KSR2: variants seen among roughly 807,000 people sequenced by gnomAD.
KSR2 encodes kinase suppressor of ras 2.
In KSR2, 25 loss-of-function variants were observed where a neutral mutation model predicts 107.8. That is an observed-to-expected ratio of 0.23 (90% confidence interval 0.17 to 0.32). The LOEUF is 0.32. Among genes scored for constraint, KSR2 ranks in the 10% least tolerant of loss-of-function variants. The probability of loss-of-function intolerance (pLI) is 1.00; values close to 1 mark genes in which losing one functional copy is unlikely to be tolerated. For missense variants in KSR2, 887 were observed against 1,268.9 expected, an observed-to-expected ratio of 0.70 and a Z score of 4.57; for synonymous variants, 480 against 507.0, an observed-to-expected ratio of 0.95 and a Z score of 0.71.
chr12:117,757,278 T>C (rs1225534363), intron 4 of KSR2, among the ~76,000 whole-genome samples: 6 of 152,176 alleles, frequency 3.9e-5, no homozygotes, highest in African/African-American at 7.2e-5. Flanking sequence ...AAGTGGAGCC[T>C]GAAGATATAA....
At chr12:117,723,200 T>C (rs1203460831) in intron 4 of KSR2, among the ~76,000 whole-genome samples, 7 of 152,174 alleles carry the variant, frequency 4.6e-5, no homozygotes, top group African/African-American at 1.4e-4. Flanking sequence ...AGGGAGACCT[T>C]CTCTGCTTTA....
intron 1 of KSR2, among the ~76,000 whole-genome samples, chr12:117,881,851 A>G (rs1894037185): frequency 6.6e-6 from 1 of 152,182 alleles, no homozygotes; most frequent in African/African-American, 2.4e-5. Flanking sequence ...GACTCAATGC[A>G]TCTTTGCCCA....
At chr12:117,826,463 G>GA (rs1891756359) in intron 3 of KSR2, among the ~76,000 whole-genome samples, 1 of 146,348 alleles carries the variant, frequency 6.8e-6, no homozygotes, top group Non-Finnish European at 1.5e-5. Flanking sequence ...TGGGAAGGAG[G>GA]AAAAAAAGAT....
At chr12:117,849,665 T>C (rs1250850526) in intron 3 of KSR2, among the ~76,000 whole-genome samples, 1 of 152,112 alleles carries the variant, frequency 6.6e-6, no homozygotes, top group African/African-American at 2.4e-5. Flanking sequence ...AGCATTAACA[T>C]CTCTAAAATA....
chr12:117,636,532 C>G (rs1051811546), intron 5 of KSR2, among the ~76,000 whole-genome samples: 1 of 152,052 alleles, frequency 6.6e-6, no homozygotes, highest in Non-Finnish European at 1.5e-5. Context: ...CACACCTGAT[C>G]AATGACAGGT....
intron 4 of KSR2, among the ~76,000 whole-genome samples, chr12:117,735,964 C>A (rs531385966): frequency 5.8e-4 from 88 of 152,210 alleles, no homozygotes; most frequent in African/African-American, 2.0e-3. Flanking sequence ...GTAATTTTCC[C>A]AGAGTGTTGT....
chr12:117,630,540 CAG>C (rs1882755440), intron 5 of KSR2, among the ~76,000 whole-genome samples: 2 of 152,078 alleles, frequency 1.3e-5, no homozygotes, highest in African/African-American at 2.4e-5. Context: ...GGATTATAAA[CAG>C]GGGCTACCTG....
At chr12:117,953,425 T>TA (rs1410424914) in intron 1 of KSR2, among the ~76,000 whole-genome samples, 2 of 152,222 alleles carry the variant, frequency 1.3e-5, no homozygotes, top group Non-Finnish European at 2.9e-5. Context: ...GAATATAACC[T>TA]AAAAAATGTT....
chr12:117,855,478 C>G lies in KSR2; in HGVS notation c.422G>C (p.Cys141Ser). 1 of 1,614,030 alleles carries G rather than the reference C, an allele frequency of 6.2e-7. No homozygotes were observed. Among genetic ancestry groups the G allele is most frequent in the Non-Finnish European group, 8.5e-7 (1 of 1,179,896 alleles). ...GGAGAGGGAGGCGTTGAGGCGGGCACACTCCTCCCGGTTGGCTCCGTATTT... is the reference window on the plus strand; with the variant it reads ...GGAGAGGGAGGCGTTGAGGCGGGCAGACTCCTCCCGGTTGGCTCCGTATTT... Reference protein sequence around the residue: ...VEKYGANREECARLNASLSCL... With the variant: ...VEKYGANREESARLNASLSCL... Residue 141 changes from cysteine (C) to serine (S), a missense_variant, in exon 3 of 20, where the codon TGT becomes TCT. Transcript: ENST00000339824.
At chr12:117,567,585 C>T (rs549271268) in intron 7 of KSR2, among the ~76,000 whole-genome samples, 1 of 151,394 alleles carries the variant, frequency 6.6e-6, no homozygotes, top group Non-Finnish European at 1.5e-5. Flanking sequence ...AAGTTCCCCT[C>T]TCATTATCTT....
rs559665090 is a variant in KSR2 at position 117,917,372 on chromosome 12, C to T, written c.180+50704G>A. Among the ~76,000 whole-genome samples the T allele has an allele frequency of 2.0e-5, 3 of 152,118 alleles. No individual in the cohort carries two copies. The South Asian group carries it at 6.2e-4, about 32-fold the overall frequency. On this transcript the variant is annotated intron_variant, in intron 1 of 19. Transcript: ENST00000339824. ...CCTGGGCAACATAGCGAGACCCTGT[C>T]TCTAAAAAATTTTTTTTTAATTAGT...
At chr12:117,925,130 T>C (rs933810149) in intron 1 of KSR2, among the ~76,000 whole-genome samples, 6 of 151,076 alleles carry the variant, frequency 4.0e-5, no homozygotes, top group Non-Finnish European at 7.4e-5. Flanking sequence ...TTTCTTTCTT[T>C]TTTTTTTTTT....
In KSR2 at chr12:117,897,765, A is replaced by G. The variant is rs1894559066; in HGVS notation, c.181-37334T>C. 6.6e-6 allele frequency among the ~76,000 whole-genome samples: 1 copy of G among 152,066 alleles called. No individual in the cohort carries two copies. Among genetic ancestry groups the G allele is most frequent in the South Asian group, 2.1e-4 (1 of 4,830 alleles). On this transcript the variant is annotated intron_variant, in intron 1 of 19. Coordinates refer to ENST00000339824, the MANE Select transcript of KSR2 (RefSeq NM_173598.6). The surrounding 1 kb of genome is among the most constrained non-coding windows in gnomAD (Gnocchi z 4.5). ...CGAGAACCTGAATGCAGCAGAAACC[A>G]CCAAGCAGATGCCATACAAATATAA...
At chr12:117,863,260 A>AAGACAT (rs1241522348) in intron 1 of KSR2, among the ~76,000 whole-genome samples, 1 of 152,122 alleles carries the variant, frequency 6.6e-6, no homozygotes, top group Admixed American at 6.5e-5. Context: ...CCAAGCACTC[A>AAGACAT]AGACATAGCC....
In KSR2 at chr12:117,709,890, G is replaced by A. The variant is rs375864766; in HGVS notation, c.987-42232C>T. Among the ~76,000 whole-genome samples, 9 of 152,274 alleles carry A rather than the reference G, an allele frequency of 5.9e-5. No individual in the cohort carries two copies. The East Asian group carries it at 1.7e-3, about 29-fold the overall frequency. On this transcript the variant is annotated intron_variant, in intron 4 of 19. Coordinates refer to ENST00000339824, the MANE Select transcript of KSR2 (RefSeq NM_173598.6). ...GACATTGCCCGCTGTCCCCTGGGAG[G>A]GGGCAAAATCACCAAGATTGAGAAC... is the stretch of plus-strand genomic sequence containing the variant.
chr12:117,710,613 G>A (rs376757131), intron 4 of KSR2, among the ~76,000 whole-genome samples: 2 of 152,078 alleles, frequency 1.3e-5, no homozygotes, highest in Non-Finnish European at 2.9e-5. Flanking sequence ...TGGGGTTTTG[G>A]GCATGCAAGT....
At chr12:117,619,834 G>A (rs1163976225) in intron 5 of KSR2, among the ~76,000 whole-genome samples, 3 of 151,656 alleles carry the variant, frequency 2.0e-5, no homozygotes, top group African/African-American at 7.3e-5. Context: ...CTCATTTTAA[G>A]TGCACAATTC....
chr12:117,617,585 C>T (rs1334346483), intron 5 of KSR2, among the ~76,000 whole-genome samples: 2 of 151,946 alleles, frequency 1.3e-5, no homozygotes, highest in Non-Finnish European at 2.9e-5. Context: ...ATGAAAGAAG[C>T]CAGATGCAAA....
intron 4 of KSR2, among the ~76,000 whole-genome samples, chr12:117,749,424 G>C (rs1480541592): frequency 6.6e-6 from 1 of 151,976 alleles, no homozygotes; most frequent in Non-Finnish European, 1.5e-5. Context: ...TCCTTGAAAA[G>C]AAATAACGAG....
Sources: gnomAD v4.1 joint callset for allele counts (sites outside exome capture counted in the v4.1 genomes callset) on GRCh38, gnomAD v4.1.1 for gene constraint, Gnocchi (gnomAD v3.1) non-coding constraint, MANE v1.5 for transcripts, NCBI Gene and HGNC (gene_info 2026-07-23, HGNC 2026-07-21) for gene names.